The following WDR49 variants were observed in gnomAD, a reference collection of about 807,000 sequenced individuals.
The protein encoded by WDR49 is cilia- and flagella-associated protein 337.
A neutral mutation model predicts 119.5 loss-of-function variants in WDR49; 107 were observed. The ratio of observed to expected loss-of-function variants is 0.90; its 90% CI spans 0.77 to 1.05. The LOEUF is 1.05. Among genes scored for constraint, WDR49 ranks in the 50% least tolerant of loss-of-function variants. The probability of loss-of-function intolerance (pLI) is 0.00; values close to 1 mark genes in which losing one functional copy is unlikely to be tolerated. For missense variants in WDR49, 1,240 were observed against 1,220.5 expected (o/e 1.02, Z -0.24); for synonymous variants, 425 against 418.8 (o/e 1.01, Z -0.18).
intron 10 of WDR49, among the ~76,000 whole-genome samples, chr3:167,543,574 T>A (rs968957573): frequency 6.6e-6 from 1 of 152,060 alleles, no homozygotes; most frequent in Non-Finnish European, 1.5e-5. Flanking sequence ...GAAAAGACAT[T>A]TGACAAAATC....
At chr3:167,653,726 A>G (rs1718496463) in intron 1 of WDR49, 108 bp downstream of exon 1, 1 of 211,014 alleles carries the variant, frequency 4.7e-6, no homozygotes, top group Non-Finnish European at 9.4e-6. Context: ...TTGATTAAAA[A>G]TGTGTAAAGC....
intron 7 of WDR49, among the ~76,000 whole-genome samples, chr3:167,577,110 C>T (rs1296855616): frequency 6.6e-6 from 1 of 152,112 alleles, no homozygotes; most frequent in Non-Finnish European, 1.5e-5. Flanking sequence ...AGAGGGCAAA[C>T]ACTAAATCCT....
intron 15 of WDR49, among the ~76,000 whole-genome samples, chr3:167,526,544 C>T (rs558220972): frequency 2.0e-5 from 3 of 152,292 alleles, no homozygotes; most frequent in South Asian, 2.1e-4. Context: ...CCCTGTCTCA[C>T]TCATCACAAG....
intron 2 of WDR49, among the ~76,000 whole-genome samples, chr3:167,643,741 C>T (rs905956876): frequency 6.6e-6 from 1 of 151,922 alleles, no homozygotes; most frequent in African/African-American, 2.4e-5. Flanking sequence ...ACAGGGTAGA[C>T]ATTCAATAAA....
chr3:167,506,148 C>G (rs1261216057), intron 16 of WDR49, among the ~76,000 whole-genome samples: 1 of 152,124 alleles, frequency 6.6e-6, no homozygotes, highest in East Asian at 1.9e-4. Flanking sequence ...CTTGACTCAC[C>G]CTCTTCCTTC....
At chr3:167,595,072 C>T (rs1411022771) in intron 7 of WDR49, among the ~76,000 whole-genome samples, 6 of 150,062 alleles carry the variant, frequency 4.0e-5, no homozygotes, top group South Asian at 2.1e-4. Context: ...TATACACCAA[C>T]AACAGACAAA....
intron 7 of WDR49, among the ~76,000 whole-genome samples, chr3:167,594,004 A>G (rs913475302): frequency 6.6e-6 from 1 of 152,082 alleles, no homozygotes; most frequent in Non-Finnish European, 1.5e-5. Context: ...AGTTTCCTGA[A>G]GTCTCCCCAG....
chr3:167,555,662 C>T (rs1417238043), intron 9 of WDR49, among the ~76,000 whole-genome samples: 1 of 152,108 alleles, frequency 6.6e-6, no homozygotes, highest in Non-Finnish European at 1.5e-5. Context: ...CAACTGGTGT[C>T]CTCTGTAAAA....
intron 18 of WDR49, among the ~76,000 whole-genome samples, chr3:167,499,335 G>C (rs1483599816): frequency 2.0e-5 from 3 of 152,168 alleles, no homozygotes; most frequent in Non-Finnish European, 2.9e-5. Context: ...TTGAACCCCA[G>C]CTCAGAGGAT....
At chr3:167,508,288 G>A (rs1401756447) in intron 16 of WDR49, among the ~76,000 whole-genome samples, 1 of 152,146 alleles carries the variant, frequency 6.6e-6, no homozygotes, top group Non-Finnish European at 1.5e-5. Flanking sequence ...TGTTGGACAG[G>A]CAACACAGAA....
intron 11 of WDR49, among the ~76,000 whole-genome samples, chr3:167,534,003 C>T (rs1488898315): frequency 6.6e-6 from 1 of 151,656 alleles, no homozygotes; most frequent in Non-Finnish European, 1.5e-5. Context: ...GCCTGGCCAA[C>T]ATGGTGAAAC....
intron 12 of WDR49, among the ~76,000 whole-genome samples, chr3:167,532,525 A>G (rs1752886423): frequency 6.6e-6 from 1 of 152,122 alleles, no homozygotes; most frequent in African/African-American, 2.4e-5. Flanking sequence ...GTGAACATGA[A>G]TTTCCATTTT....
At chr3:167,614,171 G>T (rs755950338) in intron 5 of WDR49, among the ~76,000 whole-genome samples, 1 of 151,838 alleles carries the variant, frequency 6.6e-6, no homozygotes, top group Non-Finnish European at 1.5e-5. Flanking sequence ...GCGCAATCTC[G>T]GCTCACTGCA....
chr3:167,484,991 C>A (rs1296772085), intron 18 of WDR49, among the ~76,000 whole-genome samples: 1 of 152,110 alleles, frequency 6.6e-6, no homozygotes, highest in African/African-American at 2.4e-5. Flanking sequence ...GGCACATTTA[C>A]ACCATGGAAT....
At chr3:167,612,630 A>G (rs751178686) in intron 5 of WDR49, among the ~76,000 whole-genome samples, 5 of 152,126 alleles carry the variant, frequency 3.3e-5, no homozygotes, top group African/African-American at 4.8e-5. Context: ...GAAAAAGGAG[A>G]CATTACTACT....
At chr3:167,510,200 T>A (rs147268580) in intron 16 of WDR49, among the ~76,000 whole-genome samples, 1,651 of 152,234 alleles carry the variant, frequency 0.011, 21 homozygotes, top group African/African-American at 0.038. Flanking sequence ...CTGGCCAACA[T>A]GATGAAACCC....
chr3:167,519,633 CA>C lies in WDR49; in HGVS notation c.2774+2681del, dbSNP rs559081545. Among the ~76,000 whole-genome samples the C allele has an allele frequency of 8.6e-5, 13 of 151,008 alleles. No individual in the cohort carries two copies. The South Asian group carries it at 2.3e-3, about 27-fold the overall frequency. On this transcript the variant is annotated intron_variant, in intron 16 of 18. Coordinates refer to ENST00000682715, the MANE Select transcript of WDR49 (RefSeq NM_001366157.1). ...GGAACAACACACACTGGAACCTGTC[CA>C]GGGGTGGGGGATGGGGGAGGGGGAG... is the stretch of plus-strand genomic sequence containing the variant.
intron 10 of WDR49, 29 bp downstream of exon 10, chr3:167,554,621 G>C (rs1450662117): frequency 7.4e-7 from 1 of 1,356,546 alleles, no homozygotes; most frequent in African/African-American, 1.5e-5. Context: ...TTTAGATTTT[G>C]ATTAAAATAA....
At chr3:167,595,071 A>G (rs1345555548) in intron 7 of WDR49, among the ~76,000 whole-genome samples, 10 of 150,596 alleles carry the variant, frequency 6.6e-5, no homozygotes, top group African/African-American at 2.2e-4. Flanking sequence ...TTATACACCA[A>G]CAACAGACAA....
Sources: allele counts gnomAD v4.1 joint callset (sites outside exome capture counted in the v4.1 genomes callset), GRCh38; gene constraint gnomAD v4.1.1; transcripts MANE v1.5; gene names NCBI Gene and HGNC (gene_info 2026-07-23, HGNC 2026-07-21).